SYNJ2: variants seen among roughly 807,000 people sequenced by gnomAD.
The protein encoded by SYNJ2 is polyphosphatidylinositol phosphatase SYNJ2.
Under a neutral mutation model 141.3 loss-of-function variants are expected in SYNJ2, and 116 were observed. The ratio of observed to expected loss-of-function variants is 0.82; its 90% CI spans 0.71 to 0.96. The LOEUF (loss-of-function observed/expected upper bound fraction) is 0.96. SYNJ2 is among the 40% of genes least tolerant of loss of function. SYNJ2 has a pLI of 0.00. For missense variants in SYNJ2, 1,873 were observed against 1,934.8 expected (o/e 0.97, Z 0.60); for synonymous variants, 745 against 777.7 (o/e 0.96, Z 0.70).
intron 1 of SYNJ2, among the ~76,000 whole-genome samples, chr6:158,000,405 A>T (rs557748386): frequency 9.9e-5 from 15 of 152,200 alleles, no homozygotes; most frequent in African/African-American, 2.9e-4. Context: ...TTGTTCCTTC[A>T]TCTTTCTTGG....
intron 25 of SYNJ2, 89 bp from the exon 26 acceptor site, chr6:158,092,837 G>A (rs537288659): frequency 8.2e-7 from 1 of 1,214,890 alleles, no homozygotes; most frequent in East Asian, 2.6e-5. Context: ...ATTAGTAAAT[G>A]ACACTTAGGA....
At chr6:157,990,049 C>T (rs1490312408) in intron 1 of SYNJ2, among the ~76,000 whole-genome samples, 2 of 152,214 alleles carry the variant, frequency 1.3e-5, no homozygotes, top group South Asian at 2.1e-4. Flanking sequence ...CTGTGGGCTG[C>T]GCCGTCTGTG....
At chr6:158,042,375 C>T (rs1562350401) in intron 4 of SYNJ2, among the ~76,000 whole-genome samples, 1 of 152,360 alleles carries the variant, frequency 6.6e-6, no homozygotes, top group East Asian at 1.9e-4. Flanking sequence ...TGCAGAATGA[C>T]TCATTCCTGT....
intron 23 of SYNJ2, among the ~76,000 whole-genome samples, chr6:158,087,656 T>G (rs1212238944): frequency 6.6e-6 from 1 of 152,172 alleles, no homozygotes; most frequent in Non-Finnish European, 1.5e-5. Flanking sequence ...AGAATTGGGC[T>G]CATTGTGGCT....
chr6:158,043,199 C>A lies in SYNJ2; in HGVS notation c.712-117C>A. 1 of 829,602 alleles carries A rather than the reference C, an allele frequency of 1.2e-6. No individual in the cohort carries two copies. Among genetic ancestry groups the A allele is most frequent in the Non-Finnish European group, 2.0e-6 (1 of 510,394 alleles). The allele number at this position is 829,602 out of a possible 1,614,324, so 51.4% of individuals were successfully genotyped here. A position where few individuals can be genotyped will look rare whatever the true frequency, so the allele number is the denominator to read the frequency against. ...GGGAGCAGAGGACGCCGGAGTCCAC[C>A]GTCCGCCCTTCATTCTGGCTGGTGT... On this transcript the variant is annotated intron_variant, in intron 4 of 26. Coordinates refer to ENST00000355585, the MANE Select transcript of SYNJ2 (RefSeq NM_003898.4). This position sits in a 1 kb window ranked among gnomAD's most constrained non-coding sequence, Gnocchi z 4.0.
chr6:158,025,510 T>C (rs1026859367), intron 2 of SYNJ2, among the ~76,000 whole-genome samples: 3 of 151,782 alleles, frequency 2.0e-5, no homozygotes, highest in Non-Finnish European at 4.4e-5. Context: ...ACCCCATCTC[T>C]ACCAAAAATA....
At chr6:158,082,076 G>A (rs1449289800) in intron 20 of SYNJ2, among the ~76,000 whole-genome samples, 1 of 152,200 alleles carries the variant, frequency 6.6e-6, no homozygotes, top group Non-Finnish European at 1.5e-5. Context: ...GGTGGGCGCA[G>A]TGGCTTATGC....
At chr6:158,074,508 G>C in intron 15 of SYNJ2, 72 bp from the exon 16 acceptor site, 1 of 1,519,566 alleles carries the variant, frequency 6.6e-7, no homozygotes, top group South Asian at 1.2e-5. Flanking sequence ...GCCCCAGTGA[G>C]CTTGTTTTTC....
chr6:158,025,677 G>A lies in SYNJ2; in HGVS notation c.215-3079G>A, dbSNP rs553319155. Reference sequence around the variant, plus strand: ...CTCCATCTCAAAAAAAAATAGCCGGGCGTGGTGGCTCACGCCTGTAATCCC... The same window carrying A: ...CTCCATCTCAAAAAAAAATAGCCGGACGTGGTGGCTCACGCCTGTAATCCC... On this transcript the variant is annotated intron_variant, in intron 2 of 26. Transcript: ENST00000355585. Among the ~76,000 whole-genome samples the A allele has an allele frequency of 1.5e-3, 228 of 150,850 alleles. 1 individual carries two copies. The highest frequency in any genetic ancestry group is 5.0e-3 in the African/African-American group (205 of 40,996).
chr6:158,078,268 GCGT>G lies in SYNJ2; in HGVS notation c.2556_2558del (p.Ser853del). ...GTATTATGGTCGTGCGGAGCTACAA[GCGT>G]CTGATCACAGGTGAGGTCCTGACTT... On this transcript the variant is annotated inframe_deletion, in exon 18 of 27. Transcript: ENST00000355585. 2 of 1,613,056 alleles carry G rather than the reference GCGT, an allele frequency of 1.2e-6. No homozygotes were observed. Among genetic ancestry groups the G allele is most frequent in the Non-Finnish European group, 1.7e-6 (2 of 1,179,036 alleles).
chr6:158,056,394 G>A (rs1780872238), intron 6 of SYNJ2, among the ~76,000 whole-genome samples: 1 of 152,134 alleles, frequency 6.6e-6, no homozygotes, highest in Non-Finnish European at 1.5e-5. Context: ...CAAATCACAG[G>A]ACAAGCTGCT....
chr6:158,083,133 G>T (rs997783131), intron 20 of SYNJ2, among the ~76,000 whole-genome samples: 1 of 152,072 alleles, frequency 6.6e-6, no homozygotes, highest in African/African-American at 2.4e-5. Flanking sequence ...GGGTTTCACC[G>T]TGTTGGTCAG....
intron 1 of SYNJ2, among the ~76,000 whole-genome samples, chr6:157,999,309 A>T (rs114411374): frequency 6.6e-6 from 1 of 152,256 alleles, no homozygotes; most frequent in Admixed American, 6.5e-5. Context: ...TGATTCAGGC[A>T]TGGAGCTCAG....
At chr6:158,064,388 T>G (rs1027220059) in intron 9 of SYNJ2, among the ~76,000 whole-genome samples, 2 of 151,146 alleles carry the variant, frequency 1.3e-5, no homozygotes, top group Non-Finnish European at 1.5e-5. Flanking sequence ...TGTCAGGGGG[T>G]GAGAGGAGGG....
At position 158,084,233 on chromosome 6, in the gene SYNJ2, T is replaced by A; in HGVS notation, c.3208+59T>A. 1.3e-6 allele frequency: 2 copies of A among 1,555,196 alleles called. No individual in the cohort carries two copies. The highest frequency in any genetic ancestry group is 1.7e-6 in the Non-Finnish European group (2 of 1,149,328). The stretch of plus-strand genomic sequence containing the variant: ...CGATGGAGTCAGCTCAGGACAGACT[T>A]TCCTTTTTCTCTTGGCGATTGGGCA... On this transcript the variant is annotated intron_variant, in intron 22 of 26. Transcript: ENST00000355585. This position sits in a 1 kb window ranked among gnomAD's most constrained non-coding sequence, Gnocchi z 5.0.
At chr6:158,087,098 C>A in intron 23 of SYNJ2, 109 bp downstream of exon 23, 1 of 1,304,544 alleles carries the variant, frequency 7.7e-7, no homozygotes, top group Non-Finnish European at 1.1e-6. Context: ...CCTTCCGGTC[C>A]CCACAGGGCT....
intron 5 of SYNJ2, among the ~76,000 whole-genome samples, chr6:158,050,627 C>T (rs112548014): frequency 8.5e-4 from 129 of 152,280 alleles, no homozygotes; most frequent in Admixed American, 2.6e-3. Context: ...AGCCCCTGTC[C>T]GGGCTGTGCC....
chr6:158,095,299 T>C (rs184690305), intron 26 of SYNJ2, among the ~76,000 whole-genome samples: 225 of 152,292 alleles, frequency 1.5e-3, no homozygotes, highest in Non-Finnish European at 2.5e-3. Flanking sequence ...AGGTTTGCTT[T>C]CAATAAAGGA....
At position 157,982,210 on chromosome 6, in the gene SYNJ2, AG is replaced by A; in HGVS notation, c.127+126del. 1 of 1,199,942 alleles carries A rather than the reference AG, an allele frequency of 8.3e-7. No individual in the cohort carries two copies. Among genetic ancestry groups the A allele is most frequent in the Non-Finnish European group, 1.0e-6 (1 of 954,692 alleles). The allele number at this position is 1,199,942 out of a possible 1,614,324, so 74.3% of individuals were successfully genotyped here. ...GGCGGCGCTGGGACTGCCGGGGCGT[AG>A]GGGTCGCGCGCAGAGGGGTGGCTGT... On this transcript the variant is annotated intron_variant, in intron 1 of 26. Coordinates refer to ENST00000355585, the MANE Select transcript of SYNJ2 (RefSeq NM_003898.4). The surrounding 1 kb of genome is among the most constrained non-coding windows in gnomAD (Gnocchi z 4.0).
Sources: allele counts gnomAD v4.1 joint callset (sites outside exome capture counted in the v4.1 genomes callset), GRCh38; gene constraint gnomAD v4.1.1; non-coding constraint Gnocchi (gnomAD v3.1); transcripts MANE v1.5; gene names NCBI Gene and HGNC (gene_info 2026-07-23, HGNC 2026-07-21).